The following TJP1 variants were observed in gnomAD, a reference collection of about 807,000 sequenced individuals.
TJP1 encodes the protein tight junction protein ZO-1.
A neutral mutation model predicts 194.2 loss-of-function variants in TJP1; 43 were observed. The observed-to-expected ratio is 0.22, with a 90% CI of 0.17 to 0.29. TJP1 has a LOEUF of 0.29. TJP1 is among the 10% of genes least tolerant of loss of function. The probability of loss-of-function intolerance (pLI) is 1.00; values close to 1 mark genes in which losing one functional copy is unlikely to be tolerated. For missense variants in TJP1, 1,971 were observed against 2,185.7 expected (o/e 0.90, Z 1.96); for synonymous variants, 801 against 779.0 (o/e 1.03, Z -0.47).
chr15:29,821,771 C>G (rs1194205946), intron 1 of TJP1, among the ~76,000 whole-genome samples: 2 of 150,158 alleles, frequency 1.3e-5, no homozygotes, highest in African/African-American at 2.4e-5. Flanking sequence ...GGCGGCCGGG[C>G]GCCCGCAGCC....
intron 2 of TJP1, among the ~76,000 whole-genome samples, chr15:29,940,562 T>C (rs573420629): frequency 9.2e-5 from 14 of 152,338 alleles, no homozygotes; most frequent in Admixed American, 3.3e-4. Flanking sequence ...TATCTATACT[T>C]GAAATTACGT....
At chr15:29,851,160 A>T (rs2051628009) in intron 2 of TJP1, among the ~76,000 whole-genome samples, 1 of 151,966 alleles carries the variant, frequency 6.6e-6, no homozygotes, top group African/African-American at 2.4e-5. Flanking sequence ...TAAAATAAAA[A>T]TTTTAAAAAT....
intron 18 of TJP1, among the ~76,000 whole-genome samples, chr15:29,721,880 C>T (rs2042949374): frequency 6.6e-6 from 1 of 152,194 alleles, no homozygotes; most frequent in Admixed American, 6.5e-5. Flanking sequence ...GGCACTGTGC[C>T]CCTGCTCTAG....
chr15:29,812,888 T>C (rs2049625270), intron 1 of TJP1, among the ~76,000 whole-genome samples: 1 of 152,186 alleles, frequency 6.6e-6, no homozygotes, highest in Non-Finnish European at 1.5e-5. Context: ...AATGTAAGCC[T>C]ACTTGCCATG....
In TJP1 at chr15:29,718,123, T is replaced by TA; in HGVS notation, c.3877-6_3877-5insT. Reference sequence around the variant, plus strand: ...TTTAGATGCTACTTCTGGAGGCTGTTTAAAAAAAAAAAAAAAAAAAAGACA... The same window carrying TA: ...TTTAGATGCTACTTCTGGAGGCTGTTATAAAAAAAAAAAAAAAAAAAAGACA... On this transcript the variant is annotated splice_polypyrimidine_tract_variant and splice_region_variant and intron_variant, in intron 21 of 27. Coordinates refer to ENST00000614355, the MANE Select transcript of TJP1 (RefSeq NM_001330239.4). The TA allele has an allele frequency of 1.9e-6, 3 of 1,554,432 alleles. No homozygotes were observed. The highest frequency in any genetic ancestry group is 1.7e-6 in the Non-Finnish European group (2 of 1,151,552).
At chr15:29,714,843 A>G (rs1202912814) in intron 23 of TJP1, among the ~76,000 whole-genome samples, 9 of 152,168 alleles carry the variant, frequency 5.9e-5, no homozygotes, top group Admixed American at 4.6e-4. Context: ...GCCTGGCCAT[A>G]TAATCTTTTT....
At position 29,865,750 on chromosome 15, in the gene TJP1, T is replaced by C. The variant is rs540698456; in HGVS notation, c.307-65048A>G. Among the ~76,000 whole-genome samples the C allele has an allele frequency of 3.3e-5, 5 of 152,084 alleles. No homozygotes were observed. The East Asian group carries it at 9.7e-4, about 29-fold the overall frequency. The stretch of plus-strand genomic sequence containing the variant: ...GCTGGACACCATGATAAATATCAAA[T>C]GAACCAGAGGGTCCATTAAAAGCTG... On this transcript the variant is annotated intron_variant, in intron 2 of 28. Transcript: ENST00000356107.
chr15:29,824,873 T>C (rs891303992), upstream of TJP1, among the ~76,000 whole-genome samples: 1 of 152,208 alleles, frequency 6.6e-6, no homozygotes, highest in African/African-American at 2.4e-5. Flanking sequence ...AAAATAGTTA[T>C]ATATTTAACA....
intron 1 of TJP1, among the ~76,000 whole-genome samples, chr15:29,811,435 G>A (rs1449700019): frequency 6.8e-6 from 1 of 148,010 alleles, no homozygotes; most frequent in East Asian, 2.1e-4. Context: ...GGGTGGGGGT[G>A]GGGGGGTGGT....
intron 2 of TJP1, among the ~76,000 whole-genome samples, chr15:29,920,240 T>G (rs2054314423): frequency 6.6e-6 from 1 of 152,198 alleles, no homozygotes; most frequent in Admixed American, 6.5e-5. Flanking sequence ...TTGTTACTTT[T>G]CATGTTTTCC....
In TJP1 at chr15:29,965,689, A is replaced by G. The variant is rs139068460; in HGVS notation, c.173+2978T>C. 1.9e-3 allele frequency among the ~76,000 whole-genome samples: 283 copies of G among 152,366 alleles called. 1 individual carries two copies. Among genetic ancestry groups the G allele is most frequent in the Middle Eastern group, 0.017 (5 of 294 alleles). On this transcript the variant is annotated intron_variant, in intron 1 of 28. Transcript: ENST00000356107. ...CATGTGCGGTTGCTATGAAACTAGC[A>G]AAATGAAACATTATCTAAAAAATAA...
intron 2 of TJP1, among the ~76,000 whole-genome samples, chr15:29,949,511 TCCACCTCCACCA>T (rs2055495331): frequency 5.5e-5 from 1 of 18,136 alleles, no homozygotes; most frequent in Non-Finnish European, 1.1e-4. Context: ...AACCACCACC[TCCACCTCCACCA>T]CCACCACCTC....
intron 2 of TJP1, among the ~76,000 whole-genome samples, chr15:29,774,582 T>C (rs1188906929): frequency 6.6e-6 from 1 of 151,920 alleles, no homozygotes. Flanking sequence ...ACCTGAATGG[T>C]GGTTGTCTAG....
chr15:29,867,084 C>T (rs1442403969), intron 2 of TJP1, among the ~76,000 whole-genome samples: 1 of 152,182 alleles, frequency 6.6e-6, no homozygotes, highest in East Asian at 1.9e-4. Context: ...GGACTTAAGA[C>T]ATTTATTTCA....
chr15:29,727,596 T>TA (rs1425710627), intron 16 of TJP1, among the ~76,000 whole-genome samples: 1 of 152,220 alleles, frequency 6.6e-6, no homozygotes, highest in East Asian at 1.9e-4. Context: ...CACGTACAGT[T>TA]AGAATAAAAA....
intron 2 of TJP1, among the ~76,000 whole-genome samples, chr15:29,903,346 A>T (rs140954564): frequency 6.6e-6 from 1 of 152,320 alleles, no homozygotes; most frequent in East Asian, 1.9e-4. Context: ...ATCTAGAAGG[A>T]TCTTCTTGTC....
At chr15:29,806,538 T>C (rs2049120662) in intron 1 of TJP1, among the ~76,000 whole-genome samples, 1 of 152,222 alleles carries the variant, frequency 6.6e-6, no homozygotes, top group Non-Finnish European at 1.5e-5. Flanking sequence ...AAGTTCCTTC[T>C]GTGAGCAAAG....
At chr15:29,965,816 A>G (rs1458563975) in intron 1 of TJP1, among the ~76,000 whole-genome samples, 1 of 152,244 alleles carries the variant, frequency 6.6e-6, no homozygotes, top group African/African-American at 2.4e-5. Context: ...CACTCACTCC[A>G]GAGTCTTCAT....
At chr15:29,937,194 C>T (rs577120266) in intron 2 of TJP1, among the ~76,000 whole-genome samples, 10 of 152,208 alleles carry the variant, frequency 6.6e-5, no homozygotes, top group Non-Finnish European at 1.2e-4. Flanking sequence ...AAGAGTCCCA[C>T]CTATGGTATT....
Sources: gnomAD v4.1 joint callset for allele counts (sites outside exome capture counted in the v4.1 genomes callset) on GRCh38, gnomAD v4.1.1 for gene constraint, MANE v1.5 for transcripts, NCBI Gene and HGNC (gene_info 2026-07-23, HGNC 2026-07-21) for gene names.